Variants in RAB21 observed in about 807,000 individuals in gnomAD.
RAB21 encodes RAB21, member RAS oncogene family.
In RAB21, 13 loss-of-function variants were observed where a neutral mutation model predicts 33.1. The observed-to-expected ratio is 0.39, with a 90% CI of 0.26 to 0.62. The LOEUF is 0.62. RAB21 is among the 20% of genes least tolerant of loss of function. RAB21 has a pLI of 0.48. For synonymous variants in RAB21, 91 were observed against 103.7 expected (o/e 0.88, Z 0.74); for missense variants, 234 against 279.1 (o/e 0.84, Z 1.15).
rs1208403766 is a variant in RAB21 at position 71,788,842 on chromosome 12, T to G, written c.*3169T>G. On this transcript the variant is annotated 3_prime_UTR_variant, in exon 7 of 7. Transcript: ENST00000261263. ...TCATTGTAATTACAGGGGAAGATTGTTTTTGAAAATGTATATTGCCATGCT... is the reference window on the plus strand; with the variant it reads ...TCATTGTAATTACAGGGGAAGATTGGTTTTGAAAATGTATATTGCCATGCT... 6.6e-6 allele frequency: 1 copy of G among 152,140 alleles called. No homozygotes were observed. Among genetic ancestry groups the G allele is most frequent in the Non-Finnish European group, 1.5e-5 (1 of 67,988 alleles). 9.4% of individuals were successfully genotyped at this position (152,140 alleles called of 1,614,324 possible). A position where few individuals can be genotyped will look rare whatever the true frequency, so the allele number is the denominator to read the frequency against.
At chr12:71,756,958 G>A (rs4760807) in intron 1 of RAB21, among the ~76,000 whole-genome samples, 1 of 152,288 alleles carries the variant, frequency 6.6e-6, no homozygotes, top group South Asian at 2.1e-4. Context: ...AAGTCAATGG[G>A]GCAGGAGTGT....
At chr12:71,780,445 G>C (rs1340001819) in intron 4 of RAB21, among the ~76,000 whole-genome samples, 1 of 152,122 alleles carries the variant, frequency 6.6e-6, no homozygotes, top group African/African-American at 2.4e-5. Context: ...TAACACGACG[G>C]TTTTTCCTCT....
intron 3 of RAB21, among the ~76,000 whole-genome samples, chr12:71,772,837 G>C (rs1883063631): frequency 6.6e-6 from 1 of 152,178 alleles, no homozygotes; most frequent in Non-Finnish European, 1.5e-5. Flanking sequence ...ATTCAGTGCT[G>C]TTATAAAGAT....
intron 1 of RAB21, among the ~76,000 whole-genome samples, chr12:71,764,290 T>G (rs1439924767): frequency 6.6e-6 from 1 of 152,118 alleles, no homozygotes; most frequent in Admixed American, 6.5e-5. Flanking sequence ...TTATAATTAC[T>G]TCTCCCCCCT....
At chr12:71,779,632 A>G (rs77824199) in intron 4 of RAB21, among the ~76,000 whole-genome samples, 6,361 of 152,310 alleles carry the variant, frequency 0.042, 484 homozygotes, top group African/African-American at 0.15. Flanking sequence ...TTAGCAGTGG[A>G]CATGCCCCTT....
intron 3 of RAB21, among the ~76,000 whole-genome samples, chr12:71,772,476 A>C (rs1316614232): frequency 1.3e-5 from 2 of 152,206 alleles, no homozygotes; most frequent in African/African-American, 4.8e-5. Flanking sequence ...ATTAGCAAAG[A>C]ATTTGTGACC....
intron 6 of RAB21, among the ~76,000 whole-genome samples, chr12:71,783,344 T>C (rs185262975): frequency 6.6e-6 from 1 of 152,032 alleles, no homozygotes; most frequent in Non-Finnish European, 1.5e-5. Context: ...TGAAAATCAT[T>C]TCTTATATTA....
chr12:71,770,748 A>C, intron 3 of RAB21, 49 bp downstream of exon 3: 2 of 1,257,528 alleles, frequency 1.6e-6, no homozygotes, highest in Non-Finnish European at 2.3e-6. Flanking sequence ...GTAATTTTTC[A>C]AGTTTCCATT....
chr12:71,769,359 A>G (rs1883007130), intron 1 of RAB21, among the ~76,000 whole-genome samples: 1 of 152,312 alleles, frequency 6.6e-6, no homozygotes, highest in Non-Finnish European at 1.5e-5. Context: ...TATTGAATAT[A>G]TGTTAAACAA....
intron 1 of RAB21, among the ~76,000 whole-genome samples, chr12:71,757,472 A>G (rs1304420525): frequency 6.6e-6 from 1 of 152,226 alleles, no homozygotes; most frequent in Non-Finnish European, 1.5e-5. Context: ...TTGAAACTGA[A>G]AGCAGAGTAA....
At chr12:71,783,956 T>C (rs1000373940) in intron 6 of RAB21, among the ~76,000 whole-genome samples, 12 of 152,176 alleles carry the variant, frequency 7.9e-5, no homozygotes, top group South Asian at 2.1e-4. Context: ...AAACAATTTT[T>C]GCATGCTCCA....
chr12:71,763,485 T>A (rs1429807466), intron 1 of RAB21, among the ~76,000 whole-genome samples: 1 of 152,164 alleles, frequency 6.6e-6, no homozygotes, highest in Non-Finnish European at 1.5e-5. Flanking sequence ...TGTGATTACC[T>A]GTCGATTTTT....
chr12:71,755,387 A>G (rs936534865), intron 1 of RAB21, 99 bp downstream of exon 1: 20 of 1,331,180 alleles, frequency 1.5e-5, no homozygotes, highest in Non-Finnish European at 2.0e-5. Flanking sequence ...TAGGCTGGCA[A>G]ATCTCAGGCC....
intron 1 of RAB21, among the ~76,000 whole-genome samples, chr12:71,757,274 A>AT (rs1366204127): frequency 6.6e-6 from 1 of 151,930 alleles, no homozygotes; most frequent in Non-Finnish European, 1.5e-5. Flanking sequence ...CATCTGGCTA[A>AT]TTTTTTTGTA....
chr12:71,774,777 T>G (rs1883096131), intron 4 of RAB21, among the ~76,000 whole-genome samples: 1 of 146,318 alleles, frequency 6.8e-6, no homozygotes, highest in African/African-American at 2.6e-5. Flanking sequence ...AAAAAAAGAA[T>G]AATTTAGGAT....
chr12:71,756,844 C>T (rs1184378282), intron 1 of RAB21, among the ~76,000 whole-genome samples: 1 of 152,150 alleles, frequency 6.6e-6, no homozygotes, highest in Non-Finnish European at 1.5e-5. Flanking sequence ...TGTCTGCTTG[C>T]TTTAATTCTT....
Position 71,788,198 on chromosome 12 carries a change from T to C in RAB21, c.*2525T>C, listed in dbSNP as rs1385908531. 1 of 152,180 alleles carries C rather than the reference T, an allele frequency of 6.6e-6. No individual in the cohort carries two copies. The highest frequency in any genetic ancestry group is 1.5e-5 in the Non-Finnish European group (1 of 68,026). The allele number at this position is 152,180 out of a possible 1,614,324, so 9.4% of individuals were successfully genotyped here. A position where few individuals can be genotyped will look rare whatever the true frequency, so the allele number is the denominator to read the frequency against. On this transcript the variant is annotated 3_prime_UTR_variant, in exon 7 of 7. Transcript: ENST00000261263. ...TTCTAAAGCCTGATAATTGGAGAGC[T>C]ATACTTCAGCTTTTCATCCTACTTT...
chr12:71,795,418 A>G lies in RAB21; in HGVS notation c.*9745A>G, dbSNP rs1883455150. On this transcript the variant is annotated 3_prime_UTR_variant, in exon 7 of 7. Transcript: ENST00000261263. ...TGTCCCTAGCGTAATAATGCCTTCT[A>G]CTGACATTTAAAGTCAGCTTAAACA... 1.1e-5 allele frequency: 1 copy of G among 90,392 alleles called. No individual in the cohort carries two copies. The highest frequency in any genetic ancestry group is 2.0e-5 in the Non-Finnish European group (1 of 49,452). The allele number at this position is 90,392 out of a possible 1,614,324, so 5.6% of individuals were successfully genotyped here.
chr12:71,763,567 G>T (rs369818316), intron 1 of RAB21, among the ~76,000 whole-genome samples: 23 of 152,052 alleles, frequency 1.5e-4, no homozygotes, highest in African/African-American at 5.5e-4. Flanking sequence ...CAAGAATCAG[G>T]TGTTAATACA....
Sources: allele counts gnomAD v4.1 joint callset (sites outside exome capture counted in the v4.1 genomes callset), GRCh38; gene constraint gnomAD v4.1.1; transcripts MANE v1.5; gene names NCBI Gene and HGNC (gene_info 2026-07-23, HGNC 2026-07-21).